The following SYT10 variants were observed in gnomAD, a reference collection of about 807,000 sequenced individuals.
SYT10 encodes the protein synaptotagmin-10.
SYT10 carries 31 observed loss-of-function variants against 51.1 expected under a neutral mutation model. The observed-to-expected ratio is 0.61, with a 90% confidence interval of 0.46 to 0.82. The LOEUF (loss-of-function observed/expected upper bound fraction) is 0.82, where lower values mean the gene tolerates loss of function less well. Among genes scored for constraint, SYT10 ranks in the 40% least tolerant of loss-of-function variants. SYT10 has a pLI of 0.00. For missense variants in SYT10, 603 were observed against 634.0 expected (o/e 0.95, Z 0.53); for synonymous variants, 233 against 225.9 (o/e 1.03, Z -0.28).
chr12:33,409,518 C>CT (rs60672554), intron 2 of SYT10, among the ~76,000 whole-genome samples: 5,523 of 140,172 alleles, frequency 0.039, 291 homozygotes, highest in South Asian at 0.14. Flanking sequence ...GATTTCTTTT[C>CT]TTTTTTTTTT....
chr12:33,377,024 A>G (rs990624783), intron 6 of SYT10, 123 bp from the exon 7 acceptor site: 29 of 997,648 alleles, frequency 2.9e-5, no homozygotes, highest in Non-Finnish European at 4.1e-5. Context: ...GAAAGGAAAT[A>G]CATAACTCCC....
intron 1 of SYT10, among the ~76,000 whole-genome samples, chr12:33,429,879 A>G (rs1866582894): frequency 6.6e-6 from 1 of 152,170 alleles, no homozygotes; most frequent in Admixed American, 6.5e-5. Context: ...AGATCACCGG[A>G]GGAAGGTGGC....
intron 2 of SYT10, chr12:33,423,955 A>T (rs1177648976): frequency 2.2e-6 from 1 of 455,828 alleles, no homozygotes; most frequent in Non-Finnish European, 4.4e-6. Flanking sequence ...GCCTTGGCAT[A>T]GTGACAAAAT....
chr12:33,392,985 TAAAAAAAA>T (rs71068378), intron 3 of SYT10, among the ~76,000 whole-genome samples: 46 of 59,090 alleles, frequency 7.8e-4, no homozygotes, highest in Admixed American at 2.2e-3. Flanking sequence ...TTTTTGCCAT[TAAAAAAAA>T]AAAAAAAAAA....
intron 1 of SYT10, among the ~76,000 whole-genome samples, chr12:33,439,152 G>A (rs1239746579): frequency 1.3e-5 from 2 of 152,260 alleles, no homozygotes; most frequent in African/African-American, 2.4e-5. Context: ...GCGGACCAGA[G>A]AATGGGAGAA....
At chr12:33,394,778 T>C (rs1297922751) in intron 3 of SYT10, among the ~76,000 whole-genome samples, 2 of 152,220 alleles carry the variant, frequency 1.3e-5, no homozygotes, top group African/African-American at 4.8e-5. Flanking sequence ...TACTTTACTC[T>C]GTGGCTTTAC....
At chr12:33,390,521 T>C (rs570752295) in intron 3 of SYT10, among the ~76,000 whole-genome samples, 13 of 152,032 alleles carry the variant, frequency 8.6e-5, no homozygotes, top group Admixed American at 1.3e-4. Flanking sequence ...TCTGCCTTCA[T>C]CTTACAAATT....
At chr12:33,377,254 C>T (rs1866070960) in intron 6 of SYT10, among the ~76,000 whole-genome samples, 1 of 152,180 alleles carries the variant, frequency 6.6e-6, no homozygotes, top group Non-Finnish European at 1.5e-5. Flanking sequence ...CTCACTGCAA[C>T]CTCTGCCTCC....
chr12:33,385,220 T>G lies in SYT10; in HGVS notation c.1149A>C (p.Thr383=), dbSNP rs933177000. Residue 383 remains threonine (T), a synonymous_variant, in exon 4 of 7, where the codon ACA becomes ACC. Coordinates refer to ENST00000228567, the MANE Select transcript of SYT10 (RefSeq NM_198992.4). ...YLPTAGRMTL[T]VIKCRNLKAM... ...CCTTCAGATTTCTGCACTTAATGACTGTCAATGTCATACGCCCAGCCGTCG... is the reference window on the plus strand; with the variant it reads ...CCTTCAGATTTCTGCACTTAATGACGGTCAATGTCATACGCCCAGCCGTCG... 2.5e-6 allele frequency: 4 copies of G among 1,613,728 alleles called. No homozygotes were observed.
chr12:33,418,686 A>G (rs528086288), intron 2 of SYT10, among the ~76,000 whole-genome samples: 1 of 152,136 alleles, frequency 6.6e-6, no homozygotes, highest in Admixed American at 6.5e-5. Flanking sequence ...CAGCTCATCT[A>G]TCAGGATGGT....
chr12:33,405,119 T>C (rs1866341747), intron 3 of SYT10: 1 of 152,154 alleles, frequency 6.6e-6, no homozygotes, highest in Non-Finnish European at 1.5e-5. Flanking sequence ...ATAACATACT[T>C]TACTTTTTTA....
At chr12:33,438,073 C>T (rs1226153324) in intron 1 of SYT10, among the ~76,000 whole-genome samples, 1 of 152,092 alleles carries the variant, frequency 6.6e-6, no homozygotes, top group Non-Finnish European at 1.5e-5. Context: ...CCCATGTGAA[C>T]GATGGAATGT....
At chr12:33,429,864 A>G (rs1387573611) in intron 1 of SYT10, among the ~76,000 whole-genome samples, 4 of 152,184 alleles carry the variant, frequency 2.6e-5, no homozygotes, top group Non-Finnish European at 4.4e-5. Flanking sequence ...AAGTTGAAGT[A>G]GAGAAGATCA....
rs1206531165 is a variant in SYT10, at chr12:33,439,266, A to C, written c.151+106T>G. ...CGAGGTAGGAAAGCGTGGCGCCCCA[A>C]ATATGCCGCGGGAGCGGCGCGGGAG... On this transcript the variant is annotated intron_variant, in intron 1 of 6. Transcript: ENST00000228567. 6 of 1,428,186 alleles carry C rather than the reference A, an allele frequency of 4.2e-6. No homozygotes were observed. In the African/African-American group the frequency reaches 4.3e-5, roughly 10 times the overall value. 88.5% of individuals were successfully genotyped at this position (1,428,186 alleles called of 1,614,324 possible).
chr12:33,433,848 C>T lies in SYT10; in HGVS notation c.151+5524G>A, dbSNP rs1866616547. Among the ~76,000 whole-genome samples the T allele has an allele frequency of 2.0e-5, 3 of 152,250 alleles. 1 individual carries two copies. The Middle Eastern group carries it at 0.01, about 518-fold the overall frequency. On this transcript the variant is annotated intron_variant, in intron 1 of 6. Coordinates refer to ENST00000228567, the MANE Select transcript of SYT10 (RefSeq NM_198992.4). ...CCAATGCCCTTCAGCGCCAAGGACG[C>T]CCCCAGAATCTCCTCTTCCTATTCC...
At position 33,432,894 on chromosome 12, in the gene SYT10, C is replaced by T. The variant is rs146907206; in HGVS notation, c.152-6399G>A. The T allele has an allele frequency of 1.1e-4, 16 of 152,148 alleles. No homozygotes were observed. In the East Asian group the frequency reaches 3.1e-3, roughly 29 times the overall value. The allele number at this position is 152,148 out of a possible 1,614,324, so 9.4% of individuals were successfully genotyped here. On this transcript the variant is annotated intron_variant, in intron 1 of 6. Coordinates refer to ENST00000228567, the MANE Select transcript of SYT10 (RefSeq NM_198992.4). Reference sequence around the variant, plus strand: ...TTAGGATGATTCCCCCCTTCTGGCTCCAAGCCCATTACAGCACAATTCCAT... The same window carrying T: ...TTAGGATGATTCCCCCCTTCTGGCTTCAAGCCCATTACAGCACAATTCCAT...
At chr12:33,394,983 G>T (rs952681520) in intron 3 of SYT10, among the ~76,000 whole-genome samples, 1 of 152,200 alleles carries the variant, frequency 6.6e-6, no homozygotes, top group Non-Finnish European at 1.5e-5. Context: ...AGGTACTCGG[G>T]AGGCTGAGGC....
intron 2 of SYT10, 133 bp from the exon 3 acceptor site, chr12:33,407,489 A>G (rs1261231320): frequency 7.3e-6 from 6 of 821,750 alleles, no homozygotes; most frequent in African/African-American, 1.7e-5. Flanking sequence ...ATAGACACAT[A>G]CATATAATCA....
intron 2 of SYT10, among the ~76,000 whole-genome samples, chr12:33,424,418 T>C (rs981602644): frequency 1.3e-5 from 2 of 152,178 alleles, no homozygotes; most frequent in African/African-American, 4.8e-5. Context: ...TTCTGAATGC[T>C]AAGCTAATAT....
Sources: allele counts gnomAD v4.1 joint callset (sites outside exome capture counted in the v4.1 genomes callset), GRCh38; gene constraint gnomAD v4.1.1; transcripts MANE v1.5; gene names NCBI Gene and HGNC (gene_info 2026-07-23, HGNC 2026-07-21).